GASK1B: variants seen among roughly 807,000 people sequenced by gnomAD.
GASK1B encodes golgi associated kinase 1B.
In GASK1B, 34 loss-of-function variants were observed where a neutral mutation model predicts 42.8. That is an observed-to-expected ratio of 0.79 (90% confidence interval 0.60 to 1.06). GASK1B has a LOEUF of 1.06. Ranked by LOEUF, GASK1B falls within the 50% of genes least tolerant of loss-of-function variation. The probability of loss-of-function intolerance (pLI) is 0.00; values close to 1 mark genes in which losing one functional copy is unlikely to be tolerated. For missense variants in GASK1B, 686 were observed against 661.0 expected (o/e 1.04, Z -0.42); for synonymous variants, 262 against 259.1 (o/e 1.01, Z -0.11).
chr4:158,169,949 T>C, intron 2 of GASK1B: 1 of 407,006 alleles, frequency 2.5e-6, no homozygotes, highest in Non-Finnish European at 4.4e-6. Flanking sequence ...AATAAAGAGG[T>C]TAAATCCATT....
chr4:158,149,690 A>G (rs557094181), intron 3 of GASK1B, among the ~76,000 whole-genome samples: 54 of 152,250 alleles, frequency 3.5e-4, no homozygotes, highest in Non-Finnish European at 7.2e-4. Flanking sequence ...AGGTACTTTC[A>G]TTCATTCTCC....
intron 2 of GASK1B, among the ~76,000 whole-genome samples, chr4:158,162,518 T>A (rs553727223): frequency 2.1e-4 from 32 of 152,176 alleles, no homozygotes; most frequent in Non-Finnish European, 4.3e-4. Flanking sequence ...CCTAGTAAGG[T>A]GTAATTTCAC....
At chr4:158,168,575 G>A (rs965710116) in intron 2 of GASK1B, 3 of 152,114 alleles carry the variant, frequency 2.0e-5, no homozygotes, top group South Asian at 2.1e-4. Context: ...AATCTCATAT[G>A]GTAGGCAGTA....
At chr4:158,142,675 G>C (rs1046406655) in intron 3 of GASK1B, among the ~76,000 whole-genome samples, 4 of 152,092 alleles carry the variant, frequency 2.6e-5, no homozygotes, top group Non-Finnish European at 4.4e-5. Flanking sequence ...TCAGAAAAAG[G>C]ACTAACCAGA....
chr4:158,155,570 G>A (rs759900239), intron 3 of GASK1B, 41 bp downstream of exon 3: 17 of 1,525,508 alleles, frequency 1.1e-5, no homozygotes, highest in Non-Finnish European at 1.3e-5. Context: ...ATAACTCAGC[G>A]CCAGTCTTAG....
chr4:158,139,164 G>A (rs952790608), intron 3 of GASK1B, among the ~76,000 whole-genome samples: 2 of 152,048 alleles, frequency 1.3e-5, no homozygotes, highest in East Asian at 1.9e-4. Context: ...AAAAACATCC[G>A]CCTGCCTACC....
In GASK1B at chr4:158,171,724, A is replaced by G. The variant is rs574260763; in HGVS notation, c.-224-125T>C. 2.6e-4 allele frequency: 48 copies of G among 181,902 alleles called. 2 individuals are homozygous for G. The highest frequency in any genetic ancestry group is 2.2e-3 in the Admixed American group (36 of 16,478). 11.3% of individuals were successfully genotyped at this position (181,902 alleles called of 1,614,324 possible). ...ATATCACCACTAAATGTTTTTAAAA[A>G]TAAAATTTAAAAGCATGCAAACGAG... On this transcript the variant is annotated intron_variant, in intron 1 of 4. Coordinates refer to ENST00000585682, the MANE Select transcript of GASK1B (RefSeq NM_001128424.2).
At chr4:158,148,527 C>T (rs10026876) in intron 3 of GASK1B, among the ~76,000 whole-genome samples, 134,474 of 152,224 alleles carry the variant, frequency 0.88, 60,539 homozygotes, top group East Asian at 0.98. Context: ...ATTTGACAAA[C>T]AGTATTACTT....
Position 158,124,788 on chromosome 4 carries a change from T to C in GASK1B, c.*2619A>G, listed in dbSNP as rs1730388929. 6.6e-6 allele frequency: 1 copy of C among 152,180 alleles called. No homozygotes were observed. Among genetic ancestry groups the C allele is most frequent in the Non-Finnish European group, 1.5e-5 (1 of 68,018 alleles). The allele number at this position is 152,180 out of a possible 1,614,324, so 9.4% of individuals were successfully genotyped here. On this transcript the variant is annotated 3_prime_UTR_variant, in exon 5 of 5. Transcript: ENST00000585682. ...GCTAAAGGTAGCAAACATTCCTCTGTACCTAGCTCTGAAAACACATCTACA... is the reference window on the plus strand; with the variant it reads ...GCTAAAGGTAGCAAACATTCCTCTGCACCTAGCTCTGAAAACACATCTACA...
At chr4:158,135,516 C>T (rs890815553) in intron 3 of GASK1B, among the ~76,000 whole-genome samples, 1 of 151,454 alleles carries the variant, frequency 6.6e-6, no homozygotes, top group South Asian at 2.1e-4. Context: ...TAGGTGATAC[C>T]AATAGTCTCA....
At chr4:158,157,732 G>GT (rs1211464427) in intron 2 of GASK1B, among the ~76,000 whole-genome samples, 1 of 152,124 alleles carries the variant, frequency 6.6e-6, no homozygotes, top group Non-Finnish European at 1.5e-5. Context: ...AAGGACAGCA[G>GT]TTTCCTCAGC....
At position 158,171,558 on chromosome 4, in the gene GASK1B, TTTTA is replaced by T; in HGVS notation, c.-187_-184del. 1.9e-6 allele frequency: 1 copy of T among 534,486 alleles called. No individual in the cohort carries two copies. Among genetic ancestry groups the T allele is most frequent in the Non-Finnish European group, 3.1e-6 (1 of 324,512 alleles). 33.1% of individuals were successfully genotyped at this position (534,486 alleles called of 1,614,324 possible). Reference sequence around the variant, plus strand: ...GGGAATGTTTCTGACACAACAAACCTTTTAAATTATCAGTCTCCCCAAGGAGAAA... The same window carrying T: ...GGGAATGTTTCTGACACAACAAACCTAATTATCAGTCTCCCCAAGGAGAAA... On this transcript the variant is annotated 5_prime_UTR_variant, in exon 2 of 5. It removes the in-frame stop codon of an upstream open reading frame in the 5' UTR. Transcript: ENST00000585682.
At chr4:158,160,295 G>A (rs77442680) in intron 2 of GASK1B, among the ~76,000 whole-genome samples, 3,055 of 152,244 alleles carry the variant, frequency 0.02, 103 homozygotes, top group African/African-American at 0.068. Context: ...AAAAACAGTA[G>A]GTGGGGAGGT....
chr4:158,156,076 G>C (rs1290525019), intron 2 of GASK1B, among the ~76,000 whole-genome samples: 2 of 152,170 alleles, frequency 1.3e-5, no homozygotes, highest in African/African-American at 2.4e-5. Flanking sequence ...ATATTTTATA[G>C]ATGTGGCAGG....
intron 3 of GASK1B, among the ~76,000 whole-genome samples, chr4:158,141,912 T>TAAGCTCC (rs1560780864): frequency 4.0e-5 from 5 of 125,932 alleles, no homozygotes; most frequent in Admixed American, 9.2e-5. Context: ...CGGCCGATGT[T>TAAGCTCC]GTGGTTTCTT....
rs546145731 is a variant in GASK1B, at chr4:158,127,401, C to T, written c.*6G>A. Reference sequence around the variant, plus strand: ...TATCTAACACCCTAGCCAGAAGATTCTTTTGTCATTCATTCATAGGTAATA... The same window carrying T: ...TATCTAACACCCTAGCCAGAAGATTTTTTTGTCATTCATTCATAGGTAATA... On this transcript the variant is annotated 3_prime_UTR_variant, in exon 5 of 5. Coordinates refer to ENST00000585682, the MANE Select transcript of GASK1B (RefSeq NM_001128424.2). The T allele has an allele frequency of 1.2e-6, 2 of 1,609,866 alleles. No individual in the cohort carries two copies. Among genetic ancestry groups the T allele is most frequent in the African/African-American group, 2.7e-5 (2 of 74,692 alleles).
chr4:158,172,850 T>A lies in GASK1B; in HGVS notation c.-225+18A>T, dbSNP rs1000434675. 3 of 152,118 alleles carry A rather than the reference T, an allele frequency of 2.0e-5. No homozygotes were observed. Among genetic ancestry groups the A allele is most frequent in the South Asian group, 2.1e-4 (1 of 4,824 alleles). The allele number at this position is 152,118 out of a possible 1,614,324, so 9.4% of individuals were successfully genotyped here. On this transcript the variant is annotated intron_variant, in intron 1 of 4. Coordinates refer to ENST00000585682, the MANE Select transcript of GASK1B (RefSeq NM_001128424.2). ...ATAACTTGGGGTTAGAGCACAAGCG[T>A]TCCCAGGAACTACTCACCTTACCAT... is the stretch of plus-strand genomic sequence containing the variant.
At chr4:158,139,685 A>G (rs1348447855) in intron 3 of GASK1B, among the ~76,000 whole-genome samples, 2 of 152,220 alleles carry the variant, frequency 1.3e-5, no homozygotes, top group Non-Finnish European at 2.9e-5. Context: ...TATGCATTAA[A>G]TTCATATAAA....
rs1380976862 is a variant in GASK1B, at chr4:158,155,830, A to G, written c.911-5T>C. 1 of 1,612,926 alleles carries G rather than the reference A, an allele frequency of 6.2e-7. No homozygotes were observed. Among genetic ancestry groups the G allele is most frequent in the East Asian group, 2.2e-5 (1 of 44,864 alleles). On this transcript the variant is annotated splice_polypyrimidine_tract_variant and splice_region_variant and intron_variant, in intron 2 of 4. Coordinates refer to ENST00000585682, the MANE Select transcript of GASK1B (RefSeq NM_001128424.2). ...TGATGGGGCATGGGCGGCCATCTATAGAATCAGAAAAACAAACACACTTTC... is the reference window on the plus strand; with the variant it reads ...TGATGGGGCATGGGCGGCCATCTATGGAATCAGAAAAACAAACACACTTTC...
Sources: gnomAD v4.1 joint callset for allele counts (sites outside exome capture counted in the v4.1 genomes callset) on GRCh38, gnomAD v4.1.1 for gene constraint, MANE v1.5 for transcripts, NCBI Gene and HGNC (gene_info 2026-07-23, HGNC 2026-07-21) for gene names.